The following ETFRF1 variants were observed in gnomAD, a reference collection of about 807,000 sequenced individuals.
ETFRF1 encodes the protein LYR motif containing 5.
Under a neutral mutation model 9.0 loss-of-function variants are expected in ETFRF1, and 12 were observed. The ratio of observed to expected loss-of-function variants is 1.34; its 90% confidence interval spans 0.86 to 2.16. ETFRF1 has a LOEUF of 2.16. Among genes scored for constraint, ETFRF1 ranks in the 30% most tolerant of loss-of-function variants. The probability of loss-of-function intolerance (pLI) is 0.00; values close to 1 mark genes in which losing one functional copy is unlikely to be tolerated. For missense variants in ETFRF1, 98 were observed against 101.8 expected (o/e 0.96, Z 0.16); for synonymous variants, 34 against 33.2 (o/e 1.02, Z -0.08).
intron 1 of ETFRF1, among the ~76,000 whole-genome samples, chr12:25,196,623 C>G (rs1346316992): frequency 6.6e-6 from 1 of 152,144 alleles, no homozygotes; most frequent in African/African-American, 2.4e-5. Context: ...GGACTGCAAC[C>G]GCTGTCTCAT....
At position 25,204,313 on chromosome 12, in the gene ETFRF1, T is replaced by G; in HGVS notation, c.*1T>G. On this transcript the variant is annotated 3_prime_UTR_variant, in exon 3 of 3. Coordinates refer to ENST00000381356, the MANE Select transcript of ETFRF1 (RefSeq NM_001001660.3). ...TTCAGATACCAACAAAACTAATTGA[T>G]CATTACTACTTTAATTTAGCTATCA... The G allele has an allele frequency of 1.3e-6, 2 of 1,560,006 alleles. No individual in the cohort carries two copies. The highest frequency in any genetic ancestry group is 2.4e-5 in the South Asian group (2 of 82,000).
At chr12:25,195,834 G>A (rs1016978978) in intron 1 of ETFRF1, 3 of 152,274 alleles carry the variant, frequency 2.0e-5, no homozygotes, top group African/African-American at 7.2e-5. Context: ...CGAGGTCACA[G>A]ACTAATTTTA....
At chr12:25,203,380 T>C (rs938015755) in intron 1 of ETFRF1, among the ~76,000 whole-genome samples, 3 of 152,248 alleles carry the variant, frequency 2.0e-5, no homozygotes, top group East Asian at 3.8e-4. Context: ...GCCCATCTAC[T>C]ATTCCAACCT....
intron 1 of ETFRF1, among the ~76,000 whole-genome samples, chr12:25,198,208 G>A (rs1270989386): frequency 7.9e-5 from 12 of 152,140 alleles, no homozygotes; most frequent in Admixed American, 7.9e-4. Context: ...GCATCCTCAG[G>A]CATTCTAGAG....
At chr12:25,203,640 A>C (rs1199767384) in intron 1 of ETFRF1, 1 of 252,684 alleles carries the variant, frequency 4.0e-6, no homozygotes, top group Non-Finnish European at 7.4e-6. Flanking sequence ...AGGTACACGT[A>C]CCTATCTGTG....
At chr12:25,197,464 T>C (rs1200923491) in intron 1 of ETFRF1, among the ~76,000 whole-genome samples, 1 of 152,174 alleles carries the variant, frequency 6.6e-6, no homozygotes, top group Admixed American at 6.5e-5. Flanking sequence ...AGAGGTGTTT[T>C]TTGTTTGTTT....
rs1371349844 is a variant in ETFRF1, at chr12:25,195,332, C to G, written c.-43C>G. 1 of 600,242 alleles carries G rather than the reference C, an allele frequency of 1.7e-6. No individual in the cohort carries two copies. The highest frequency in any genetic ancestry group is 3.0e-6 in the Non-Finnish European group (1 of 337,410). 37.2% of individuals were successfully genotyped at this position (600,242 alleles called of 1,614,324 possible). A position where few individuals can be genotyped will look rare whatever the true frequency, so the allele number is the denominator to read the frequency against. On this transcript the variant is annotated 5_prime_UTR_variant, in exon 1 of 3. Coordinates refer to ENST00000381356, the MANE Select transcript of ETFRF1 (RefSeq NM_001001660.3). ...CGAGGCTTTTGCGGCTCCGGCGTGC[C>G]GGAAAGTGCGTGAGTGCCGCCGCCG...
At chr12:25,198,334 C>A (rs1018546857) in intron 1 of ETFRF1, among the ~76,000 whole-genome samples, 1 of 151,994 alleles carries the variant, frequency 6.6e-6, no homozygotes, top group Non-Finnish European at 1.5e-5. Context: ...ACTGACCAGC[C>A]CAGGAGGAGC....
chr12:25,196,725 T>A lies in ETFRF1; in HGVS notation c.-38+1388T>A, dbSNP rs556803351. 4.6e-5 allele frequency among the ~76,000 whole-genome samples: 7 copies of A among 152,326 alleles called. No homozygotes were observed. The South Asian group carries it at 6.2e-4, about 14-fold the overall frequency. ...TACTTAAAACAGTAACCTCCATGACTTCATGCAGAGTTCAGGAGCAGCCTC... is the reference window on the plus strand; with the variant it reads ...TACTTAAAACAGTAACCTCCATGACATCATGCAGAGTTCAGGAGCAGCCTC... On this transcript the variant is annotated intron_variant, in intron 1 of 2. Transcript: ENST00000381356.
chr12:25,198,933 G>A (rs924251298), intron 1 of ETFRF1, among the ~76,000 whole-genome samples: 1 of 152,080 alleles, frequency 6.6e-6, no homozygotes, highest in African/African-American at 2.4e-5. Context: ...CATCGACTGA[G>A]GACAGGTAGA....
At chr12:25,198,036 C>CT (rs1491545673) in intron 1 of ETFRF1, among the ~76,000 whole-genome samples, 1 of 152,166 alleles carries the variant, frequency 6.6e-6, no homozygotes, top group East Asian at 1.9e-4. Context: ...ACCCAATTCA[C>CT]TCTGCAGAAT....
intron 1 of ETFRF1, among the ~76,000 whole-genome samples, chr12:25,202,799 A>G (rs1951086440): frequency 6.6e-6 from 1 of 152,276 alleles, no homozygotes; most frequent in Middle Eastern, 3.4e-3. Flanking sequence ...CCATGTAAAG[A>G]GGGGAAATGA....
At chr12:25,195,525 GC>G (rs1215212068) in intron 1 of ETFRF1, 188 bp downstream of exon 1, 6 of 271,016 alleles carry the variant, frequency 2.2e-5, no homozygotes, top group Admixed American at 5.1e-5. Flanking sequence ...AAACAGGCAT[GC>G]GACTGGTTCA....
rs1950955186 is a variant in ETFRF1 at position 25,195,260 on chromosome 12, C to G, written c.-115C>G. On this transcript the variant is annotated 5_prime_UTR_variant, in exon 1 of 3. Transcript: ENST00000381356. ...TTACTGACAGGTTGCCCACCTCCCC[C>G]AACGCCACCCCGCTTCGCAGTAGAC... is the stretch of plus-strand genomic sequence containing the variant. 1 of 669,026 alleles carries G rather than the reference C, an allele frequency of 1.5e-6. No individual in the cohort carries two copies. Among genetic ancestry groups the G allele is most frequent in the East Asian group, 2.7e-5 (1 of 36,996 alleles). 41.4% of individuals were successfully genotyped at this position (669,026 alleles called of 1,614,324 possible). A position where few individuals can be genotyped will look rare whatever the true frequency, so the allele number is the denominator to read the frequency against.
At chr12:25,202,944 GA>G (rs1951087890) in intron 1 of ETFRF1, among the ~76,000 whole-genome samples, 1 of 152,166 alleles carries the variant, frequency 6.6e-6, no homozygotes, top group Non-Finnish European at 1.5e-5. Context: ...GAGGACCTGG[GA>G]ACAGTGACAG....
chr12:25,201,589 A>G (rs1287882921), intron 1 of ETFRF1, among the ~76,000 whole-genome samples: 1 of 151,754 alleles, frequency 6.6e-6, no homozygotes, highest in African/African-American at 2.4e-5. Context: ...ACCCAGATGT[A>G]TATTTTACTT....
chr12:25,196,265 T>C (rs1279535672), intron 1 of ETFRF1: 1 of 152,202 alleles, frequency 6.6e-6, no homozygotes, highest in East Asian at 1.9e-4. Flanking sequence ...TCGTACAGAG[T>C]TCTTACTCAG....
Position 25,205,035 on chromosome 12 carries a change from G to A in ETFRF1, c.*723G>A, listed in dbSNP as rs1951119625. 1 of 211,524 alleles carries A rather than the reference G, an allele frequency of 4.7e-6. No individual in the cohort carries two copies. The highest frequency in any genetic ancestry group is 1.9e-4 in the South Asian group (1 of 5,336). The allele number at this position is 211,524 out of a possible 1,614,324, so 13.1% of individuals were successfully genotyped here. On this transcript the variant is annotated 3_prime_UTR_variant, in exon 3 of 3. Transcript: ENST00000381356. ...ATCCTATTTTTTTGTCATAAAGGCA[G>A]ATTTGTTTTGCATCTACTTCTAAAT...
At position 25,204,343 on chromosome 12, in the gene ETFRF1, C is replaced by G; in HGVS notation, c.*31C>G. On this transcript the variant is annotated 3_prime_UTR_variant, in exon 3 of 3. Coordinates refer to ENST00000381356, the MANE Select transcript of ETFRF1 (RefSeq NM_001001660.3). The stretch of plus-strand genomic sequence containing the variant: ...ACTACTTTAATTTAGCTATCAGTGC[C>G]AGCTGTTTATGTATACCAGATGTTG... 1 of 1,487,732 alleles carries G rather than the reference C, an allele frequency of 6.7e-7. No individual in the cohort carries two copies. The highest frequency in any genetic ancestry group is 1.4e-5 in the South Asian group (1 of 73,756). The allele number at this position is 1,487,732 out of a possible 1,614,324, so 92.2% of individuals were successfully genotyped here. A position where few individuals can be genotyped will look rare whatever the true frequency, so the allele number is the denominator to read the frequency against.
Sources: gnomAD v4.1 joint callset for allele counts (sites outside exome capture counted in the v4.1 genomes callset) on GRCh38, gnomAD v4.1.1 for gene constraint, MANE v1.5 for transcripts, NCBI Gene and HGNC (gene_info 2026-07-23, HGNC 2026-07-21) for gene names.